ATG4B: variants seen among roughly 807,000 people sequenced by gnomAD.
ATG4B encodes autophagy related 4B cysteine peptidase.
Under a neutral mutation model 56.6 loss-of-function variants are expected in ATG4B, and 29 were observed. The ratio of observed to expected loss-of-function variants is 0.51; its 90% confidence interval spans 0.38 to 0.70. ATG4B has a LOEUF of 0.70. Among genes scored for constraint, ATG4B ranks in the 30% least tolerant of loss-of-function variants. ATG4B has a pLI of 0.00. For missense variants in ATG4B, 461 were observed against 515.5 expected (o/e 0.89, Z 1.02); for synonymous variants, 224 against 206.1 (o/e 1.09, Z -0.74).
At position 241,651,249 on chromosome 2, in the gene ATG4B, T is replaced by C. The variant is rs781202987; in HGVS notation, c.113-15T>C. The C allele has an allele frequency of 6.3e-7, 1 of 1,589,170 alleles. No individual in the cohort carries two copies. Among genetic ancestry groups the C allele is most frequent in the Admixed American group, 1.8e-5 (1 of 55,426 alleles). ...GTTGTGTGTGTGTGTTTTTTTTCTT[T>C]TAAACAACCTCTAGAAAAGGACGAG... On this transcript the variant is annotated splice_polypyrimidine_tract_variant and intron_variant, in intron 2 of 12. Transcript: ENST00000404914. The surrounding 1 kb of genome is among the most constrained non-coding windows in gnomAD (Gnocchi z 4.1).
Position 241,671,332 on chromosome 2 carries a change from C to T in ATG4B, c.1035C>T (p.Ala345=), listed in dbSNP as rs570095634. The T allele has an allele frequency of 4.3e-6, 7 of 1,613,340 alleles. No individual in the cohort carries two copies. The highest frequency in any genetic ancestry group is 5.9e-6 in the Non-Finnish European group (7 of 1,179,738). The change falls in exon 12 of 13, where the codon GCC becomes GCT. Residue 345 remains alanine, a synonymous_variant. Coordinates refer to ENST00000404914, the MANE Select transcript of ATG4B (RefSeq NM_013325.5). ...QVKKLSLLGG[A]LPMFELVELQ... ...AACAGCTGTCTCTGCTTGGAGGTGC[C>T]CTGCCCATGTTTGAGCTGGTGGAGC...
intron 11 of ATG4B, 51 bp from the exon 12 acceptor site, chr2:241,671,261 G>A (rs375534922): frequency 1.3e-5 from 20 of 1,523,826 alleles, no homozygotes; most frequent in African/African-American, 6.8e-5. Context: ...TCTCTTGGCC[G>A]CAGCAAGCAC....
intron 7 of ATG4B, among the ~76,000 whole-genome samples, chr2:241,666,117 G>C (rs190622659): frequency 2.6e-5 from 4 of 152,360 alleles, no homozygotes; most frequent in African/African-American, 9.6e-5. Context: ...TCCTCTGAGT[G>C]GGGAGTGGTG....
At chr2:241,655,364 G>A (rs1193405705) in intron 6 of ATG4B, 21 bp downstream of exon 6, 7 of 1,595,988 alleles carry the variant, frequency 4.4e-6, no homozygotes, top group Non-Finnish European at 5.1e-6. Flanking sequence ...CGCTTCCACT[G>A]CTGAGCATGG....
At chr2:241,648,628 C>T (rs1044101108) in intron 1 of ATG4B, among the ~76,000 whole-genome samples, 1 of 151,592 alleles carries the variant, frequency 6.6e-6, no homozygotes, top group African/African-American at 2.4e-5. Flanking sequence ...AGGAGCAGAG[C>T]TCTTGGACAA....
intron 1 of ATG4B, among the ~76,000 whole-genome samples, chr2:241,649,825 C>T (rs1026309813): frequency 1.1e-4 from 17 of 150,136 alleles, no homozygotes; most frequent in African/African-American, 4.2e-4. Flanking sequence ...CTCTTGTCAC[C>T]CAGGCTGGAG....
At chr2:241,648,790 G>T (rs1045332380) in intron 1 of ATG4B, among the ~76,000 whole-genome samples, 1 of 152,154 alleles carries the variant, frequency 6.6e-6, no homozygotes, top group African/African-American at 2.4e-5. Flanking sequence ...TGCCTGTAGG[G>T]CCCTCTATTG....
chr2:241,672,485 C>T lies in ATG4B; in HGVS notation c.*221C>T, dbSNP rs964852277. On this transcript the variant is annotated 3_prime_UTR_variant, in exon 13 of 13. Coordinates refer to ENST00000404914, the MANE Select transcript of ATG4B (RefSeq NM_013325.5). ...GAGTGCCCGTCAGGGCCTGTGCATCCGCACGCGGAGCCGTCTGTTAGGAGC... is the reference window on the plus strand; with the variant it reads ...GAGTGCCCGTCAGGGCCTGTGCATCTGCACGCGGAGCCGTCTGTTAGGAGC... 1.0e-4 allele frequency: 59 copies of T among 580,866 alleles called. No individual in the cohort carries two copies. The highest frequency in any genetic ancestry group is 5.1e-4 in the South Asian group (25 of 48,838). 36.0% of individuals were successfully genotyped at this position (580,866 alleles called of 1,614,324 possible). A position where few individuals can be genotyped will look rare whatever the true frequency, so the allele number is the denominator to read the frequency against.
At chr2:241,664,987 G>A (rs2068717616) in intron 7 of ATG4B, among the ~76,000 whole-genome samples, 1 of 152,026 alleles carries the variant, frequency 6.6e-6, no homozygotes. Context: ...GGGCACAGTG[G>A]CCCACACCTG....
chr2:241,647,423 C>A lies in ATG4B; in HGVS notation c.11-3587C>A, dbSNP rs187228563. On this transcript the variant is annotated intron_variant, in intron 1 of 12. Transcript: ENST00000404914. Reference sequence around the variant, plus strand: ...CATGAGGTCAGGAGATTGAGACCATCCTGGCTAACACAGTGAAACCCCGTC... The same window carrying A: ...CATGAGGTCAGGAGATTGAGACCATACTGGCTAACACAGTGAAACCCCGTC... 3.6e-3 allele frequency among the ~76,000 whole-genome samples: 544 copies of A among 151,236 alleles called. 8 individuals carry two copies. The highest frequency in any genetic ancestry group is 0.021 in the East Asian group (105 of 4,964).
rs1193953285 is a variant in ATG4B at position 241,653,327 on chromosome 2, C to G, written c.185-185C>G. 3 of 1,549,158 alleles carry G rather than the reference C, an allele frequency of 1.9e-6. No individual in the cohort carries two copies. In the Admixed American group the frequency reaches 5.9e-5, roughly 30 times the overall value. ...TTGAGGAGGTTGTCGGGACATTTCA[C>G]TCTCCAGTAAATGTGGCCCTTGGCG... On this transcript the variant is annotated intron_variant, in intron 3 of 12. Transcript: ENST00000404914.
chr2:241,673,477 G>C lies in ATG4B; in HGVS notation c.*1213G>C, dbSNP rs1242860752. 1 of 416,804 alleles carries C rather than the reference G, an allele frequency of 2.4e-6. No individual in the cohort carries two copies. 25.8% of individuals were successfully genotyped at this position (416,804 alleles called of 1,614,324 possible). A position where few individuals can be genotyped will look rare whatever the true frequency, so the allele number is the denominator to read the frequency against. On this transcript the variant is annotated 3_prime_UTR_variant, in exon 13 of 13. Coordinates refer to ENST00000404914, the MANE Select transcript of ATG4B (RefSeq NM_013325.5). Reference sequence around the variant, plus strand: ...GGACTCGCTGCTGCTGCTGCTGCTTGTGTAGGTCGGGGAGCCAGAGATCCC... The same window carrying C: ...GGACTCGCTGCTGCTGCTGCTGCTTCTGTAGGTCGGGGAGCCAGAGATCCC...
At position 241,659,207 on chromosome 2, in the gene ATG4B, C is replaced by T. The variant is rs1324529318; in HGVS notation, c.538+20C>T. 2 of 1,608,086 alleles carry T rather than the reference C, an allele frequency of 1.2e-6. No individual in the cohort carries two copies. The highest frequency in any genetic ancestry group is 1.7e-6 in the Non-Finnish European group (2 of 1,175,150). On this transcript the variant is annotated intron_variant, in intron 7 of 12. Transcript: ENST00000404914. ...AAATCAGTAAGTGGCTCAGAGTTTC[C>T]ATGGACAAGAAAGTTGAAATCACGG...
chr2:241,668,122 C>T lies in ATG4B; in HGVS notation c.733-21C>T. The stretch of plus-strand genomic sequence containing the variant: ...TCTGCTCCCACCTGGGACCTGTGCT[C>T]AGTCCCCCGCCCCTCCACAGCACTG... On this transcript the variant is annotated intron_variant, in intron 8 of 12. Transcript: ENST00000404914. The surrounding 1 kb of genome is among the most constrained non-coding windows in gnomAD (Gnocchi z 4.2). The T allele has an allele frequency of 6.4e-7, 1 of 1,574,360 alleles. No individual in the cohort carries two copies. The highest frequency in any genetic ancestry group is 8.6e-7 in the Non-Finnish European group (1 of 1,160,580).
chr2:241,654,475 C>A, intron 4 of ATG4B, 71 bp from the exon 5 acceptor site: 4 of 750,700 alleles, frequency 5.3e-6, no homozygotes, highest in Non-Finnish European at 8.9e-6. Context: ...CCATCTGTAT[C>A]TTTAGTGTGA....
intron 1 of ATG4B, among the ~76,000 whole-genome samples, chr2:241,644,511 C>A (rs1253532326): frequency 1.3e-5 from 2 of 152,190 alleles, no homozygotes; most frequent in African/African-American, 4.8e-5. Context: ...GGAAGAAGTC[C>A]AGGCCTGTGT....
intron 1 of ATG4B, among the ~76,000 whole-genome samples, chr2:241,646,451 TG>T (rs1202882883): frequency 1.3e-5 from 2 of 152,256 alleles, no homozygotes; most frequent in African/African-American, 4.8e-5. Flanking sequence ...CACATTCTTC[TG>T]AAGTACAGAT....
rs1347279304 is a variant in ATG4B, at chr2:241,668,705, G to T, written c.957+20G>T. The T allele has an allele frequency of 6.4e-7, 1 of 1,558,818 alleles. No homozygotes were observed. The highest frequency in any genetic ancestry group is 8.7e-7 in the Non-Finnish European group (1 of 1,154,472). On this transcript the variant is annotated intron_variant, in intron 10 of 12. Coordinates refer to ENST00000404914, the MANE Select transcript of ATG4B (RefSeq NM_013325.5). This position sits in a 1 kb window ranked among gnomAD's most constrained non-coding sequence, Gnocchi z 4.2. Reference sequence around the variant, plus strand: ...GCTGTGGTACGTGGCGGCCACCTGAGCACACAGGCATTTGGTGCTGAATGC... The same window carrying T: ...GCTGTGGTACGTGGCGGCCACCTGATCACACAGGCATTTGGTGCTGAATGC...
In ATG4B at chr2:241,672,756, G is replaced by C. The variant is rs995879350; in HGVS notation, c.*492G>C. On this transcript the variant is annotated 3_prime_UTR_variant, in exon 13 of 13. Transcript: ENST00000404914. Reference sequence around the variant, plus strand: ...AAGGACTGGGCTGCTCTCGAGGGGGGCGCGCCCACCGCTGTGTCCTCTCTG... The same window carrying C: ...AAGGACTGGGCTGCTCTCGAGGGGGCCGCGCCCACCGCTGTGTCCTCTCTG... 2 of 172,866 alleles carry C rather than the reference G, an allele frequency of 1.2e-5. No individual in the cohort carries two copies. Among genetic ancestry groups the C allele is most frequent in the Admixed American group, 1.1e-4 (2 of 18,256 alleles). The allele number at this position is 172,866 out of a possible 1,614,324, so 10.7% of individuals were successfully genotyped here.
Sources: allele counts gnomAD v4.1 joint callset (sites outside exome capture counted in the v4.1 genomes callset), GRCh38; gene constraint gnomAD v4.1.1; non-coding constraint Gnocchi (gnomAD v3.1); transcripts MANE v1.5; gene names NCBI Gene and HGNC (gene_info 2026-07-23, HGNC 2026-07-21).